The following CBR4 variants were observed in gnomAD, a reference collection of about 807,000 sequenced individuals.
CBR4 encodes the protein 3-oxoacyl-[acyl-carrier-protein] reductase.
In CBR4, 22 loss-of-function variants were observed where a neutral mutation model predicts 21.0. The observed-to-expected ratio is 1.05, with a 90% CI of 0.75 to 1.50. The LOEUF (loss-of-function observed/expected upper bound fraction) is 1.50, where lower values mean the gene tolerates loss of function less well. Among genes scored for constraint, CBR4 ranks in the 40% most tolerant of loss-of-function variants. The pLI, the probability that CBR4 is intolerant of heterozygous loss-of-function variation, is 0.00. For missense variants in CBR4, 302 were observed against 286.3 expected, an observed-to-expected ratio of 1.05 and a Z score of -0.40; for synonymous variants, 100 against 104.4, an observed-to-expected ratio of 0.96 and a Z score of 0.26.
At chr4:168,904,246 G>A (rs1179500345) in intron 2 of CBR4, 5 of 271,974 alleles carry the variant, frequency 1.8e-5, no homozygotes, top group Non-Finnish European at 3.6e-5. Flanking sequence ...CTTCAGGTAG[G>A]ATTACATGAA....
At chr4:169,008,530 C>T (rs547389067) in intron 1 of CBR4, among the ~76,000 whole-genome samples, 21 of 152,282 alleles carry the variant, frequency 1.4e-4, no homozygotes, top group African/African-American at 5.1e-4. Context: ...ACCAACACTA[C>T]CCCATCAAGC....
chr4:168,931,329 G>GC (rs1460311216), intron 2 of CBR4, among the ~76,000 whole-genome samples: 3 of 152,094 alleles, frequency 2.0e-5, no homozygotes, highest in Non-Finnish European at 4.4e-5. Context: ...GTGGAACTGT[G>GC]CCCAGGCTAG....
intron 2 of CBR4, among the ~76,000 whole-genome samples, chr4:168,966,076 G>A (rs192850591): frequency 9.3e-4 from 142 of 152,114 alleles, no homozygotes; most frequent in African/African-American, 3.2e-3. Context: ...TCAGAAAGTG[G>A]GCAAAGGATA....
intron 2 of CBR4, among the ~76,000 whole-genome samples, chr4:168,918,059 T>A (rs1377038350): frequency 6.6e-6 from 1 of 151,716 alleles, no homozygotes; most frequent in Non-Finnish European, 1.5e-5. Flanking sequence ...ATTAGCCAGG[T>A]GTGGTGGCAT....
chr4:168,946,693 T>C (rs1304476462), intron 2 of CBR4, among the ~76,000 whole-genome samples: 1 of 152,238 alleles, frequency 6.6e-6, no homozygotes, highest in Non-Finnish European at 1.5e-5. Flanking sequence ...AATAAATATT[T>C]TGAAATTCAA....
chr4:169,006,095 TA>T (rs1351799512), intron 3 of CBR4, among the ~76,000 whole-genome samples: 2 of 152,282 alleles, frequency 1.3e-5, no homozygotes, highest in Non-Finnish European at 2.9e-5. Context: ...CATCCATTCT[TA>T]AAAACAGAGA....
At chr4:168,976,482 A>G (rs1423800456) in intron 2 of CBR4, among the ~76,000 whole-genome samples, 1 of 152,206 alleles carries the variant, frequency 6.6e-6, no homozygotes, top group African/African-American at 2.4e-5. Flanking sequence ...GGGTGGTGGG[A>G]TTATCATTAG....
intron 2 of CBR4, among the ~76,000 whole-genome samples, chr4:168,901,986 G>A (rs935120472): frequency 4.6e-5 from 7 of 152,298 alleles, no homozygotes; most frequent in Non-Finnish European, 5.9e-5. Context: ...AGTTTAATAC[G>A]TAATATAGTT....
At chr4:168,936,731 G>C (rs1763123089) in intron 2 of CBR4, among the ~76,000 whole-genome samples, 1 of 152,096 alleles carries the variant, frequency 6.6e-6, no homozygotes. Context: ...GACAAGATTA[G>C]AGAAAAAAGA....
At chr4:168,904,700 T>G (rs1244579373) in intron 2 of CBR4, among the ~76,000 whole-genome samples, 3 of 152,132 alleles carry the variant, frequency 2.0e-5, no homozygotes, top group Non-Finnish European at 4.4e-5. Flanking sequence ...CATGGTAAAA[T>G]GAGCAGTTTT....
intron 2 of CBR4, among the ~76,000 whole-genome samples, chr4:168,970,892 G>C (rs377670276): frequency 6.6e-6 from 1 of 151,934 alleles, no homozygotes; most frequent in Non-Finnish European, 1.5e-5. Context: ...GGGCATTTAG[G>C]CTGGTTCCAG....
intron 2 of CBR4, among the ~76,000 whole-genome samples, chr4:168,967,235 T>C (rs547780824): frequency 2.2e-4 from 34 of 152,240 alleles, no homozygotes; most frequent in South Asian, 4.1e-4. Context: ...AAACCATCAT[T>C]CTAAGCAAAC....
At chr4:168,926,822 C>CAGA in intron 2 of CBR4, 1 of 222,302 alleles carries the variant, frequency 4.5e-6, no homozygotes, top group East Asian at 6.7e-5. Flanking sequence ...TGTATTCAGA[C>CAGA]AGATACAGTG....
At chr4:168,943,942 C>T (rs1763330700) in intron 2 of CBR4, among the ~76,000 whole-genome samples, 1 of 151,776 alleles carries the variant, frequency 6.6e-6, no homozygotes, top group South Asian at 2.1e-4. Flanking sequence ...AAAAACAAAA[C>T]GCCTCTGATA....
chr4:168,970,397 G>A (rs193199586), intron 2 of CBR4, among the ~76,000 whole-genome samples: 2 of 152,212 alleles, frequency 1.3e-5, no homozygotes, highest in Admixed American at 6.5e-5. Context: ...ATCATGTGAA[G>A]AACCAATTTC....
At chr4:168,941,588 G>A (rs1286872987) in intron 2 of CBR4, among the ~76,000 whole-genome samples, 1 of 152,124 alleles carries the variant, frequency 6.6e-6, no homozygotes, top group Non-Finnish European at 1.5e-5. Context: ...ACCCAGTAAT[G>A]GGATTGCTGG....
intron 4 of CBR4, among the ~76,000 whole-genome samples, chr4:168,991,572 A>C (rs1337539520): frequency 1.3e-5 from 2 of 152,242 alleles, no homozygotes; most frequent in Non-Finnish European, 2.9e-5. Context: ...TAAAGAATGT[A>C]TTAGGTTCTA....
intron 2 of CBR4, among the ~76,000 whole-genome samples, chr4:168,978,815 C>T (rs868339687): frequency 4.6e-5 from 7 of 152,310 alleles, no homozygotes; most frequent in Middle Eastern, 3.4e-3. Context: ...AGACGAACTA[C>T]AGGCCTTGCC....
intron 2 of CBR4, among the ~76,000 whole-genome samples, chr4:168,911,753 G>A (rs538012593): frequency 2.0e-5 from 3 of 152,250 alleles, no homozygotes; most frequent in Admixed American, 1.3e-4. Context: ...TGTGCTTCAG[G>A]TACAGTTAAT....
Sources: allele counts gnomAD v4.1 joint callset (sites outside exome capture counted in the v4.1 genomes callset), GRCh38; gene constraint gnomAD v4.1.1; transcripts MANE v1.5; gene names NCBI Gene and HGNC (gene_info 2026-07-23, HGNC 2026-07-21).